ACSM3: variants seen among roughly 807,000 people sequenced by gnomAD.
ACSM3 encodes acyl-coenzyme A synthetase ACSM3, mitochondrial.
Under a neutral mutation model 74.1 loss-of-function variants are expected in ACSM3, and 61 were observed. The observed-to-expected ratio is 0.82, with a 90% CI of 0.67 to 1.02. The LOEUF is 1.02. ACSM3 is among the 50% of genes least tolerant of loss of function. The pLI, the probability that ACSM3 is intolerant of heterozygous loss-of-function variation, is 0.00. For synonymous variants in ACSM3, 213 were observed against 241.5 expected, an observed-to-expected ratio of 0.88 and a Z score of 1.09; for missense variants, 660 against 697.0, an observed-to-expected ratio of 0.95 and a Z score of 0.60.
chr16:20,718,959 T>C (rs1304218699), intron 1 of ACSM3, among the ~76,000 whole-genome samples: 2 of 152,216 alleles, frequency 1.3e-5, no homozygotes, highest in Non-Finnish European at 2.9e-5. Flanking sequence ...AGCACATTTT[T>C]ACTTAACAAG....
chr16:20,741,481 G>GGGGGGGGGGGGCCCCCCCC, intron 1 of ACSM3: 4 of 1,308,410 alleles, frequency 3.1e-6, no homozygotes, highest in Non-Finnish European at 4.0e-6. Context: ...CTGGCAGCCG[G>GGGGGGGGGGGGCCCCCCCC]CCCGCCCGCC....
chr16:20,706,083 AGTGT>A (rs59605164), intron 1 of ACSM3, among the ~76,000 whole-genome samples: 2 of 149,664 alleles, frequency 1.3e-5, no homozygotes, highest in Admixed American at 6.7e-5. Context: ...ATCGTGGAAC[AGTGT>A]GTGTGTGTGT....
At chr16:20,768,847 C>T (rs947185515) in intron 1 of ACSM3, among the ~76,000 whole-genome samples, 1 of 152,124 alleles carries the variant, frequency 6.6e-6, no homozygotes, top group East Asian at 1.9e-4. Context: ...AAAGCTGAAA[C>T]CAGATGGTGT....
At chr16:20,690,653 C>A (rs967332902) in intron 1 of ACSM3, among the ~76,000 whole-genome samples, 1 of 152,224 alleles carries the variant, frequency 6.6e-6, no homozygotes, top group African/African-American at 2.4e-5. Flanking sequence ...TTGTCCCATT[C>A]ACTGAAGATG....
At chr16:20,709,010 T>C (rs1336435708) in intron 1 of ACSM3, among the ~76,000 whole-genome samples, 1 of 152,214 alleles carries the variant, frequency 6.6e-6, no homozygotes, top group Non-Finnish European at 1.5e-5. Context: ...CTTCCTCAGA[T>C]AACATAATGA....
chr16:20,756,427 G>A (rs2080032235), intron 3 of ACSM3, among the ~76,000 whole-genome samples: 2 of 151,840 alleles, frequency 1.3e-5, no homozygotes, highest in Admixed American at 6.6e-5. Flanking sequence ...CTGCATAAAT[G>A]TCTTCTTTTG....
In ACSM3 at chr16:20,792,304, T is replaced by C. The variant is rs1227707004; in HGVS notation, c.1523T>C (p.Val508Ala). 6.2e-7 allele frequency: 1 copy of C among 1,614,056 alleles called. No homozygotes were observed. Among genetic ancestry groups the C allele is most frequent in the Non-Finnish European group, 8.5e-7 (1 of 1,179,932 alleles). Residue 508 changes from valine to alanine, a missense_variant, in exon 12 of 14, where the codon GTT becomes GCT. Val to Ala is a moderately conservative substitution (Grantham distance 64, BLOSUM62 0). Transcript: ENST00000289416. Reference sequence around the variant, plus strand: ...CACCCTTCAGTTGCAGAGTCAGCTGTTGTCAGCAGCCCAGACCCCATCAGA... The same window carrying C: ...CACCCTTCAGTTGCAGAGTCAGCTGCTGTCAGCAGCCCAGACCCCATCAGA... ...NEHPSVAESA[V>A]VSSPDPIRGE...
Position 20,685,389 on chromosome 16 carries a change from A to C in ACSM3, c.-190+10567A>C. Reference sequence around the variant, plus strand: ...TCACCCACCAAAAAGCTGGATTTGGACCTCTCTTGCCCTCCTGGTCAAGAC... The same window carrying C: ...TCACCCACCAAAAAGCTGGATTTGGCCCTCTCTTGCCCTCCTGGTCAAGAC... On this transcript the variant is annotated intron_variant, in intron 1 of 3. Coordinates refer to the ACSM3 transcript ENST00000561584. 3 of 1,613,988 alleles carry C rather than the reference A, an allele frequency of 1.9e-6. No individual in the cohort carries two copies. In the South Asian group the frequency reaches 3.3e-5, roughly 18 times the overall value.
chr16:20,792,837 A>G, intron 12 of ACSM3: 1 of 487,292 alleles, frequency 2.1e-6, no homozygotes, highest in Non-Finnish European at 2.7e-6. Flanking sequence ...TGAATAACAC[A>G]GGTGTCCTGA....
At chr16:20,766,043 A>G (rs1248840991) in intron 1 of ACSM3, among the ~76,000 whole-genome samples, 1 of 152,308 alleles carries the variant, frequency 6.6e-6, no homozygotes, top group East Asian at 1.9e-4. Context: ...GTGATTAATA[A>G]TTGTTGAATA....
intron 1 of ACSM3, among the ~76,000 whole-genome samples, chr16:20,692,586 T>C (rs1242350229): frequency 6.6e-6 from 1 of 152,180 alleles, no homozygotes; most frequent in Non-Finnish European, 1.5e-5. Context: ...TATGTGGCTC[T>C]TAGTTGATTG....
At chr16:20,687,325 A>G (rs549468513) in intron 1 of ACSM3, among the ~76,000 whole-genome samples, 1 of 152,320 alleles carries the variant, frequency 6.6e-6, no homozygotes, top group South Asian at 2.1e-4. Context: ...CAAGGAAGAG[A>G]CTTTTAGGGA....
intron 1 of ACSM3, among the ~76,000 whole-genome samples, 182 bp downstream of exon 1, chr16:20,764,307 A>G (rs1178005996): frequency 6.6e-6 from 1 of 152,228 alleles, no homozygotes; most frequent in Non-Finnish European, 1.5e-5. Context: ...AGTGATGAGG[A>G]GTATGCACAC....
chr16:20,688,357 G>A (rs1333946087), intron 1 of ACSM3, among the ~76,000 whole-genome samples: 1 of 152,024 alleles, frequency 6.6e-6, no homozygotes, highest in Admixed American at 6.6e-5. Flanking sequence ...TCTAGAAAAA[G>A]AAAGAGAAAG....
In ACSM3 at chr16:20,786,082, TA is replaced by T; in HGVS notation, c.1150del (p.Ile384SerfsTer8). On this transcript the variant is annotated frameshift_variant, in exon 9 of 14. Transcript: ENST00000289416. LOFTEE classifies it high-confidence loss of function. The stretch of plus-strand genomic sequence containing the variant: ...CTTTTTCTTCTTCTTAACTAGGTGC[TA>T]ATCTGTGGAAATTTTAAGGGAATGA... ...YEGYGQTETV[L>X]ICGNFKGMKI... The T allele has an allele frequency of 1.9e-6, 3 of 1,589,050 alleles. No homozygotes were observed. The highest frequency in any genetic ancestry group is 1.7e-6 in the Non-Finnish European group (2 of 1,167,930).
At chr16:20,735,105 G>A (rs1357528171) in intron 1 of ACSM3, 2 of 152,190 alleles carry the variant, frequency 1.3e-5, no homozygotes, top group African/African-American at 4.8e-5. Context: ...TAAGAGTCTT[G>A]TCGCTTTAAG....
At chr16:20,728,493 T>G in intron 1 of ACSM3, 1 of 1,112,218 alleles carries the variant, frequency 9.0e-7, no homozygotes, top group Admixed American at 2.0e-5. Context: ...ATATGTGATA[T>G]GAGGATAGAA....
chr16:20,692,370 T>TGG (rs1230000341), intron 1 of ACSM3, among the ~76,000 whole-genome samples: 1 of 152,168 alleles, frequency 6.6e-6, no homozygotes, highest in African/African-American at 2.4e-5. Context: ...AAACCTAAAG[T>TGG]GGGGGCTTCC....
intron 1 of ACSM3, chr16:20,741,888 A>G (rs1489033110): frequency 1.3e-6 from 2 of 1,534,692 alleles, no homozygotes; most frequent in Admixed American, 3.9e-5. Context: ...GCCAGGTCCT[A>G]AGGCCGGTCT....
Sources: gnomAD v4.1 joint callset for allele counts (sites outside exome capture counted in the v4.1 genomes callset) on GRCh38, gnomAD v4.1.1 for gene constraint, MANE v1.5 for transcripts, NCBI Gene and HGNC (gene_info 2026-07-23, HGNC 2026-07-21) for gene names.